The following TCF7 variants were observed in gnomAD, a reference collection of about 807,000 sequenced individuals.
TCF7 encodes the protein transcription factor 7, also known as T-cell-factor-7.
TCF7 carries 19 observed loss-of-function variants against 46.8 expected under a neutral mutation model. The ratio of observed to expected loss-of-function variants is 0.41; its 90% confidence interval spans 0.28 to 0.60. The LOEUF (loss-of-function observed/expected upper bound fraction) is 0.60. TCF7 is among the 20% of genes least tolerant of loss of function. The pLI, the probability that TCF7 is intolerant of heterozygous loss-of-function variation, is 0.35. For synonymous variants in TCF7, 245 were observed against 213.4 expected (o/e 1.15, Z -1.29); for missense variants, 547 against 504.6 (o/e 1.08, Z -0.81).
chr5:134,119,359 T>C (rs1756268674), intron 3 of TCF7, among the ~76,000 whole-genome samples: 1 of 152,184 alleles, frequency 6.6e-6, no homozygotes, highest in Admixed American at 6.5e-5. Flanking sequence ...CGACTGCTAA[T>C]GGGTATGGAG....
intron 4 of TCF7, 158 bp from the exon 5 acceptor site, chr5:134,138,793 T>A: frequency 1.8e-5 from 22 of 1,216,904 alleles, no homozygotes; most frequent in Non-Finnish European, 2.1e-5. Flanking sequence ...GGCACTATTA[T>A]CACACTGGGA....
upstream of TCF7, among the ~76,000 whole-genome samples, chr5:134,113,099 C>T (rs1755367528): frequency 6.6e-6 from 1 of 152,208 alleles, no homozygotes; most frequent in Non-Finnish European, 1.5e-5. Flanking sequence ...TGTACCTCTC[C>T]CCTCCGGGCA....
chr5:134,112,434 G>A (rs1215707008), upstream of TCF7, among the ~76,000 whole-genome samples: 2 of 152,190 alleles, frequency 1.3e-5, no homozygotes, highest in Admixed American at 1.3e-4. Flanking sequence ...CAGTGTGGCT[G>A]TGGATGCCTG....
chr5:134,109,129 AT>A, the TCF7 span, among the ~76,000 whole-genome samples: 2 of 6,844 alleles, frequency 2.9e-4, no homozygotes, highest in Non-Finnish European at 1.6e-3. Context: ...GCTATGGATG[AT>A]CGATCCATCC....
chr5:134,126,019 A>G (rs543334780), intron 3 of TCF7, among the ~76,000 whole-genome samples: 2 of 152,280 alleles, frequency 1.3e-5, no homozygotes, highest in Non-Finnish European at 2.9e-5. Context: ...AGGGTGTTTT[A>G]GAAAATTACA....
At position 134,138,981 on chromosome 5, in the gene TCF7, C is replaced by T. The variant is rs925299106; in HGVS notation, c.578C>T (p.Ser193Phe). The T allele has an allele frequency of 2.5e-6, 4 of 1,613,948 alleles. No individual in the cohort carries two copies. The highest frequency in any genetic ancestry group is 3.4e-6 in the Non-Finnish European group (4 of 1,180,026). ...VHRPLQTPDL[S>F]GFYSLTSGSM... ...AGGCCTCTGCAGACCCCTGACCTCT[C>T]TGGCTTCTACTCCCTGACCTCAGGC... The change falls in exon 5 of 10, where the codon TCT becomes TTT. Residue 193 changes from serine to phenylalanine, a missense_variant. By Grantham distance (155) the Ser-to-Phe change is radical. Around this residue, in one of 3 missense-constraint regions of TCF7, gnomAD observed 425 missense variants for 349.9 expected, o/e 1.21. Transcript: ENST00000342854.
At chr5:134,129,134 T>C (rs1432138073) in intron 3 of TCF7, among the ~76,000 whole-genome samples, 1 of 152,244 alleles carries the variant, frequency 6.6e-6, no homozygotes, top group Non-Finnish European at 1.5e-5. Context: ...AGCTTCTCTG[T>C]GCTTCACTTT....
At chr5:134,137,419 CTG>C (rs1220694027) in intron 3 of TCF7, among the ~76,000 whole-genome samples, 2 of 115,850 alleles carry the variant, frequency 1.7e-5, no homozygotes, top group South Asian at 2.8e-4. Flanking sequence ...GAGTGAGACT[CTG>C]TCTCAAAAAA....
At chr5:134,140,846 A>G (rs1412167768) in intron 5 of TCF7, 1 of 453,180 alleles carries the variant, frequency 2.2e-6, no homozygotes, top group South Asian at 1.6e-5. Flanking sequence ...TATAGACAGC[A>G]CTTCCCTGCC....
chr5:134,145,497 C>A, intron 9 of TCF7: 1 of 579,224 alleles, frequency 1.7e-6, no homozygotes, highest in East Asian at 3.1e-5. Flanking sequence ...AAGGTTTACC[C>A]AACAAGTGGT....
chr5:134,123,549 T>A, intron 3 of TCF7: 2 of 395,334 alleles, frequency 5.1e-6, no homozygotes, highest in South Asian at 3.7e-5. Flanking sequence ...GAGAACACTC[T>A]GGGTGGGGGC....
intron 3 of TCF7, among the ~76,000 whole-genome samples, chr5:134,135,358 A>G (rs541987105): frequency 3.0e-4 from 46 of 152,212 alleles, no homozygotes; most frequent in South Asian, 1.5e-3. Context: ...TTGCTGCTGG[A>G]TTGAGGACTG....
chr5:134,124,241 T>G (rs1170149602), intron 3 of TCF7, among the ~76,000 whole-genome samples: 2 of 152,186 alleles, frequency 1.3e-5, no homozygotes, highest in Non-Finnish European at 2.9e-5. Context: ...TCAGGCAGTT[T>G]GCTGTCCTGT....
intron 5 of TCF7, chr5:134,140,516 T>C (rs1420321374): frequency 6.9e-6 from 2 of 288,888 alleles, no homozygotes; most frequent in Non-Finnish European, 1.4e-5. Flanking sequence ...AGGACAGATA[T>C]CAGCCCTATA....
chr5:134,119,963 T>A (rs565878899), intron 3 of TCF7, among the ~76,000 whole-genome samples: 5 of 152,246 alleles, frequency 3.3e-5, no homozygotes, highest in African/African-American at 1.2e-4. Flanking sequence ...GCCCCCAGAC[T>A]GGAACCAGGC....
intron 3 of TCF7, among the ~76,000 whole-genome samples, chr5:134,125,666 A>G (rs1314898520): frequency 6.6e-6 from 1 of 152,214 alleles, no homozygotes; most frequent in Non-Finnish European, 1.5e-5. Context: ...TAGTGGAACC[A>G]TCTTACAGAA....
At chr5:134,133,035 G>A (rs1365077507) in intron 3 of TCF7, among the ~76,000 whole-genome samples, 1 of 152,198 alleles carries the variant, frequency 6.6e-6, no homozygotes, top group Non-Finnish European at 1.5e-5. Flanking sequence ...TGGCAGGAAG[G>A]ACCACTTTTG....
At chr5:134,120,518 C>T (rs1756422192) in intron 3 of TCF7, among the ~76,000 whole-genome samples, 1 of 152,156 alleles carries the variant, frequency 6.6e-6, no homozygotes, top group Non-Finnish European at 1.5e-5. Context: ...GACAGCAGTC[C>T]CCTCCCTGTC....
At chr5:134,133,870 C>G (rs1758489244) in intron 3 of TCF7, among the ~76,000 whole-genome samples, 1 of 152,234 alleles carries the variant, frequency 6.6e-6, no homozygotes, top group African/African-American at 2.4e-5. Context: ...CAACACCCCG[C>G]AGCACTGCCC....
Sources: allele counts gnomAD v4.1 joint callset (sites outside exome capture counted in the v4.1 genomes callset), GRCh38; gene constraint gnomAD v4.1.1; regional missense constraint gnomAD v4.1.1; transcripts MANE v1.5; gene names NCBI Gene and HGNC (gene_info 2026-07-23, HGNC 2026-07-21).